Variants in SCN1A observed in about 807,000 individuals in gnomAD.
SCN1A encodes sodium voltage-gated channel alpha subunit 1, also known as sodium channel protein type 1 subunit alpha.
In SCN1A, 13 loss-of-function variants were observed where a neutral mutation model predicts 193.7. The ratio of observed to expected loss-of-function variants is 0.07; its 90% CI spans 0.04 to 0.11. The LOEUF (loss-of-function observed/expected upper bound fraction) is 0.11, where lower values mean the gene tolerates loss of function less well. SCN1A is among the 10% of genes least tolerant of loss of function. The pLI is 1.00. For missense variants in SCN1A, 1,432 were observed against 2,451.1 expected, an observed-to-expected ratio of 0.58 and a Z score of 8.78; for synonymous variants, 781 against 843.6, an observed-to-expected ratio of 0.93 and a Z score of 1.29.
chr2:166,027,569 T>C (rs1427432861), intron 19 of SCN1A, among the ~76,000 whole-genome samples: 1 of 151,450 alleles, frequency 6.6e-6, no homozygotes, highest in Admixed American at 6.6e-5. Context: ...GATGTCTATA[T>C]ATTTGTATAT....
chr2:166,074,180 T>C (rs551657251), intron 3 of SCN1A, among the ~76,000 whole-genome samples: 1 of 152,338 alleles, frequency 6.6e-6, no homozygotes, highest in South Asian at 2.1e-4. Context: ...TATTGCTGTC[T>C]TGACTGGGCT....
intron 8 of SCN1A, 133 bp from the exon 9 acceptor site, chr2:166,052,121 C>G (rs1038994995): frequency 1.4e-6 from 1 of 731,700 alleles, no homozygotes; most frequent in South Asian, 1.9e-5. Context: ...AGAAGCAACA[C>G]TTCATTGAAG....
chr2:166,069,616 G>T (rs772083647), intron 4 of SCN1A, among the ~76,000 whole-genome samples: 1 of 152,100 alleles, frequency 6.6e-6, no homozygotes, highest in South Asian at 2.1e-4. Context: ...GTACACTACT[G>T]CACTTTAACA....
intron 2 of SCN1A, among the ~76,000 whole-genome samples, chr2:166,103,584 G>A (rs1260035815): frequency 2.0e-5 from 3 of 152,074 alleles, no homozygotes; most frequent in South Asian, 4.1e-4. Context: ...TGAGGAGGGG[G>A]AAAAATGTTA....
intron 23 of SCN1A, among the ~76,000 whole-genome samples, chr2:166,007,774 C>T (rs113141460): frequency 6.4e-4 from 97 of 151,488 alleles, no homozygotes; most frequent in African/African-American, 2.2e-3. Flanking sequence ...TACGCTTTGA[C>T]GCAGCTATTG....
chr2:166,102,246 C>T (rs2106148900), intron 2 of SCN1A, among the ~76,000 whole-genome samples: 1 of 152,254 alleles, frequency 6.6e-6, no homozygotes, highest in South Asian at 2.1e-4. Flanking sequence ...CCTGCAATCC[C>T]AGCACTTTGG....
upstream of SCN1A, among the ~76,000 whole-genome samples, chr2:166,130,379 T>C (rs190969290): frequency 3.9e-5 from 6 of 152,352 alleles, no homozygotes; most frequent in Admixed American, 3.9e-4. Context: ...GGAGTTTACA[T>C]TGACATGTCA....
chr2:166,064,754 G>A (rs1683665471), intron 4 of SCN1A, among the ~76,000 whole-genome samples: 1 of 152,008 alleles, frequency 6.6e-6, no homozygotes, highest in Non-Finnish European at 1.5e-5. Context: ...CTGTAACTTT[G>A]TGTTTCATCT....
rs1439356988 is a variant in SCN1A at position 165,989,775 on chromosome 2, A to G, written c.*1470T>C. 1 of 152,596 alleles carries G rather than the reference A, an allele frequency of 6.6e-6. No individual in the cohort carries two copies. Among genetic ancestry groups the G allele is most frequent in the Non-Finnish European group, 1.5e-5 (1 of 68,016 alleles). The allele number at this position is 152,596 out of a possible 1,614,324, so 9.5% of individuals were successfully genotyped here. A position where few individuals can be genotyped will look rare whatever the true frequency, so the allele number is the denominator to read the frequency against. On this transcript the variant is annotated 3_prime_UTR_variant, in exon 29 of 29. Coordinates refer to ENST00000674923, the MANE Select transcript of SCN1A (RefSeq NM_001165963.4). ...TGAAGATAATTTCCTCTTCATATTT[A>G]TGTACATAATGCTGAAAAATAAAAT...
intron 13 of SCN1A, among the ~76,000 whole-genome samples, chr2:166,044,684 C>T (rs973787562): frequency 5.3e-5 from 8 of 151,136 alleles, no homozygotes; most frequent in Non-Finnish European, 1.2e-4. Flanking sequence ...CATAAAATAA[C>T]CTAAGGACAT....
At chr2:166,093,103 A>AATGT (rs1387211931) in intron 2 of SCN1A, among the ~76,000 whole-genome samples, 1 of 151,914 alleles carries the variant, frequency 6.6e-6, no homozygotes, top group African/African-American at 2.4e-5. Context: ...AGTGAGTCAG[A>AATGT]ATGTTATGAG....
intron 2 of SCN1A, among the ~76,000 whole-genome samples, chr2:166,091,221 G>A (rs1686766210): frequency 6.6e-6 from 1 of 152,190 alleles, no homozygotes; most frequent in African/African-American, 2.4e-5. Context: ...ACTGCTTGCT[G>A]TCGGCTGAGA....
At chr2:166,033,051 C>T (rs1452311004) in intron 19 of SCN1A, among the ~76,000 whole-genome samples, 2 of 152,020 alleles carry the variant, frequency 1.3e-5, no homozygotes, top group African/African-American at 4.8e-5. Context: ...AAGTAGGTCA[C>T]CACATAAAAG....
chr2:166,008,574 G>A (rs1691972605), intron 23 of SCN1A, among the ~76,000 whole-genome samples: 1 of 150,972 alleles, frequency 6.6e-6, no homozygotes, highest in African/African-American at 2.4e-5. Context: ...AATAAAAGAG[G>A]ACTACTTGTA....
intron 21 of SCN1A, among the ~76,000 whole-genome samples, chr2:166,013,432 T>G (rs967781682): frequency 1.3e-5 from 2 of 151,522 alleles, no homozygotes; most frequent in Non-Finnish European, 3.0e-5. Context: ...TTCCAATAAC[T>G]TTTTTTAATT....
At chr2:166,035,251 T>A (rs1696173340) in intron 19 of SCN1A, among the ~76,000 whole-genome samples, 2 of 152,178 alleles carry the variant, frequency 1.3e-5, no homozygotes, top group South Asian at 4.1e-4. Context: ...GTTAACATAA[T>A]AACACATTTC....
rs1697296215 is a variant in SCN1A, at chr2:166,042,423, C to A, written c.2045G>T (p.Gly682Val). 3.7e-6 allele frequency: 6 copies of A among 1,613,468 alleles called. No homozygotes were observed. The highest frequency in any genetic ancestry group is 5.1e-6 in the Non-Finnish European group (6 of 1,179,748). ...IIDKPATDDN[G>V]TTTETEMRKR... ...TCTCATTTCAGTTTCAGTGGTTGTT[C>A]CCTGTAAAAAAAAATGCTAATGCAT... The change falls in exon 15 of 29, where the codon GGA (glycine) becomes GTA (valine). Residue 682 changes from glycine to valine, a missense_variant and splice_region_variant. Physicochemically the swap from Gly to Val is moderately radical, Grantham distance 109 (BLOSUM62 -3). This residue lies in a region of SCN1A where 316 missense variants were observed against 362.1 expected (regional missense o/e 0.87). Transcript: ENST00000674923.
chr2:166,145,749 C>T (rs1168855821), intron 1 of SCN1A, among the ~76,000 whole-genome samples: 3 of 152,180 alleles, frequency 2.0e-5, no homozygotes, highest in African/African-American at 7.2e-5. Flanking sequence ...TTCCTTCCAA[C>T]AGCCTATGAT....
At chr2:166,030,847 A>G (rs1249974102) in intron 19 of SCN1A, among the ~76,000 whole-genome samples, 1 of 152,124 alleles carries the variant, frequency 6.6e-6, no homozygotes, top group Non-Finnish European at 1.5e-5. Context: ...AATGTTATAA[A>G]ATACTATCCA....
Sources: gnomAD v4.1 joint callset for allele counts (sites outside exome capture counted in the v4.1 genomes callset) on GRCh38, gnomAD v4.1.1 for gene constraint, gnomAD v4.1.1 regional missense constraint, MANE v1.5 for transcripts, NCBI Gene and HGNC (gene_info 2026-07-23, HGNC 2026-07-21) for gene names.